LGALS4: variants seen among roughly 807,000 people sequenced by gnomAD.
LGALS4 encodes galectin-4.
A neutral mutation model predicts 39.6 loss-of-function variants in LGALS4; 37 were observed. The observed-to-expected ratio is 0.93, with a 90% CI of 0.72 to 1.23. LGALS4 has a LOEUF of 1.23. Ranked by LOEUF, LGALS4 falls within the 50% of genes most tolerant of loss-of-function variation. LGALS4 has a pLI of 0.00. For missense variants in LGALS4, 397 were observed against 433.2 expected, an observed-to-expected ratio of 0.92 and a Z score of 0.74; for synonymous variants, 160 against 165.5, an observed-to-expected ratio of 0.97 and a Z score of 0.25.
chr19:38,801,935 G>C, intron 9 of LGALS4, 25 bp from the exon 10 acceptor site: 3 of 1,614,120 alleles, frequency 1.9e-6, no homozygotes, highest in Non-Finnish European at 2.5e-6. Context: ...GTGGGCATGA[G>C]GCCAGGGCCA....
chr19:38,805,208 T>TAATAATAATAAA (rs143505798), intron 4 of LGALS4, among the ~76,000 whole-genome samples: 346 of 148,248 alleles, frequency 2.3e-3, no homozygotes, highest in South Asian at 0.011. Flanking sequence ...ATAATAATAA[T>TAATAATAATAAA]ATTGATAAAC....
intron 4 of LGALS4, 23 bp from the exon 5 acceptor site, chr19:38,803,918 C>A: frequency 6.3e-7 from 1 of 1,599,220 alleles, no homozygotes; most frequent in Non-Finnish European, 8.5e-7. Flanking sequence ...AAAGAGAAAG[C>A]GGTTATGAGA....
At position 38,808,359 on chromosome 19, in the gene LGALS4, C is replaced by T. The variant is rs182607537; in HGVS notation, c.339+385G>A. Among the ~76,000 whole-genome samples the T allele has an allele frequency of 3.4e-3, 521 of 151,844 alleles. 2 individuals are homozygous for T. The highest frequency in any genetic ancestry group is 0.012 in the African/African-American group (505 of 41,474). ...AAGGAAGGGGCTGGGTGTGGTGGCT[C>T]ACGCCTGTAATTCCAGCACTTTGGG... On this transcript the variant is annotated intron_variant, in intron 3 of 9. Coordinates refer to ENST00000307751, the MANE Select transcript of LGALS4 (RefSeq NM_006149.4).
Position 38,803,892 on chromosome 19 carries a change from G to T in LGALS4, c.478C>A (p.Pro160Thr). 6.2e-7 allele frequency: 1 copy of T among 1,609,054 alleles called. No homozygotes were observed. Among genetic ancestry groups the T allele is most frequent in the Non-Finnish European group, 8.5e-7 (1 of 1,177,578 alleles). Reference protein sequence around the residue: ...IGGQPLRPQGPPMMPPYPGPG... With the variant: ...IGGQPLRPQGTPMMPPYPGPG... ...ACAGGGTAAGGTGGCATCATCGGGGGTCCCTGTGGGCACAGAAAGAGAAAG... is the reference window on the plus strand; with the variant it reads ...ACAGGGTAAGGTGGCATCATCGGGGTTCCCTGTGGGCACAGAAAGAGAAAG... The change falls in exon 5 of 10, where the codon CCC (proline) becomes ACC (threonine). Residue 160 changes from proline (P) to threonine (T), a missense_variant. Transcript: ENST00000307751.
In LGALS4 at chr19:38,809,644, CTTTTTTTTTTT is replaced by C. The variant is rs66473176; in HGVS notation, c.135-707_135-697del. On this transcript the variant is annotated intron_variant, in intron 2 of 9. Coordinates refer to ENST00000307751, the MANE Select transcript of LGALS4 (RefSeq NM_006149.4). ...TACAGGTGCATGCCACTATGCCTGG[CTTTTTTTTTTT>C]TTTTTTTTTTTTTTTGTAGAGATGG... Among the ~76,000 whole-genome samples the C allele has an allele frequency of 6.7e-5, 5 of 74,544 alleles. No homozygotes were observed. In the East Asian group the frequency reaches 2.3e-3, roughly 35 times the overall value. The allele number at this position is 74,544 out of a possible 152,430, so 48.9% of individuals were successfully genotyped here.
intron 2 of LGALS4, among the ~76,000 whole-genome samples, chr19:38,809,405 C>G (rs1345193088): frequency 2.0e-5 from 3 of 151,846 alleles, no homozygotes; most frequent in Non-Finnish European, 4.4e-5. Flanking sequence ...ATCTCAAACT[C>G]CTGACCTCAG....
Position 38,808,825 on chromosome 19 carries a change from G to C in LGALS4, c.258C>G (p.Ser86Arg). 1 of 1,614,056 alleles carries C rather than the reference G, an allele frequency of 6.2e-7. No individual in the cohort carries two copies. Among genetic ancestry groups the C allele is most frequent in the South Asian group, 1.1e-5 (1 of 91,078 alleles). Reference sequence around the variant, plus strand: ...AGGGCATGCTCCTCTTCCTCTCCTCGCTGCCCCACTTCCCGCCCTGCAACG... The same window carrying C: ...AGGGCATGCTCCTCTTCCTCTCCTCCCTGCCCCACTTCCCGCCCTGCAACG... ...FNTLQGGKWG[S>R]EERKRSMPFK... is the part of the protein sequence containing the mutation. The change falls in exon 3 of 10, where the codon AGC (serine) becomes AGG (arginine). Residue 86 changes from serine to arginine, a missense_variant. Ser to Arg is a moderately radical substitution (Grantham distance 110, BLOSUM62 -1). Coordinates refer to ENST00000307751, the MANE Select transcript of LGALS4 (RefSeq NM_006149.4).
chr19:38,810,389 G>GTTT (rs1971478789), intron 2 of LGALS4, among the ~76,000 whole-genome samples: 2 of 123,872 alleles, frequency 1.6e-5, no homozygotes, highest in African/African-American at 6.3e-5. Flanking sequence ...TTGAGATGGA[G>GTTT]TCTCGCTCTT....
At chr19:38,807,191 A>AC (rs74176467) in intron 3 of LGALS4, among the ~76,000 whole-genome samples, 35,696 of 151,712 alleles carry the variant, frequency 0.24, 4,626 homozygotes, top group African/African-American at 0.35. Context: ...ACATAGCAAG[A>AC]CCCCGTCTTT....
intron 2 of LGALS4, among the ~76,000 whole-genome samples, chr19:38,809,371 G>C (rs926576387): frequency 1.1e-4 from 16 of 151,552 alleles, no homozygotes; most frequent in Non-Finnish European, 1.2e-4. Flanking sequence ...GTAGAGACAG[G>C]GTTTCACCAT....
At position 38,803,485 on chromosome 19, in the gene LGALS4, C is replaced by G. The variant is rs376122575; in HGVS notation, c.570+37G>C. Reference sequence around the variant, plus strand: ...TCAGATTCCCTGGAGATCCGTGCCCCCTCCCCACCATCCATCTCTGTTTCC... The same window carrying G: ...TCAGATTCCCTGGAGATCCGTGCCCGCTCCCCACCATCCATCTCTGTTTCC... On this transcript the variant is annotated intron_variant, in intron 7 of 9. Coordinates refer to ENST00000307751, the MANE Select transcript of LGALS4 (RefSeq NM_006149.4). 26 of 1,610,184 alleles carry G rather than the reference C, an allele frequency of 1.6e-5. No homozygotes were observed. In the African/African-American group the frequency reaches 2.9e-4, roughly 18 times the overall value.
intron 4 of LGALS4, among the ~76,000 whole-genome samples, chr19:38,804,301 T>C (rs1051639953): frequency 6.6e-6 from 1 of 152,188 alleles, no homozygotes; most frequent in African/African-American, 2.4e-5. Flanking sequence ...TTATTTGAGA[T>C]GGAATTTCGC....
At chr19:38,806,219 T>C (rs1280929912) in intron 4 of LGALS4, among the ~76,000 whole-genome samples, 5 of 151,586 alleles carry the variant, frequency 3.3e-5, no homozygotes, top group Admixed American at 2.6e-4. Flanking sequence ...TACAAAAAAA[T>C]TAGCCGGGCG....
intron 2 of LGALS4, among the ~76,000 whole-genome samples, chr19:38,810,173 T>G (rs1971475794): frequency 6.6e-6 from 1 of 152,076 alleles, no homozygotes; most frequent in Non-Finnish European, 1.5e-5. Context: ...TTTTAATTTT[T>G]TTGAGACAGT....
Position 38,801,859 on chromosome 19 carries a change from G to A in LGALS4, c.877C>T (p.His293Tyr), listed in dbSNP as rs777005220. 2 of 1,614,210 alleles carry A rather than the reference G, an allele frequency of 1.2e-6. No homozygotes were observed. The highest frequency in any genetic ancestry group is 1.7e-6 in the Non-Finnish European group (2 of 1,180,042). The stretch of plus-strand genomic sequence containing the variant: ...AGGCGATGGGCAAAGTCAAAGAGGT[G>A]CTGGCCATTGGCGTAAACCTTGAAG... ...DRFKVYANGQ[H>Y]LFDFAHRLSA... Residue 293 changes from histidine (H) to tyrosine (Y), a missense_variant, in exon 10 of 10, where the codon CAC becomes TAC. Physicochemically the swap from His to Tyr is moderately conservative, Grantham distance 83. Transcript: ENST00000307751.
intron 7 of LGALS4, 83 bp downstream of exon 7, chr19:38,803,438 GC>G: frequency 7.0e-7 from 1 of 1,424,166 alleles, no homozygotes; most frequent in Non-Finnish European, 9.9e-7. Flanking sequence ...AAAACCCTCA[GC>G]CCACTCCCTT....
rs113718174 is a variant in LGALS4, at chr19:38,807,996, C to A, written c.339+748G>T. Reference sequence around the variant, plus strand: ...ACAAACACTGTGGAAGGCCGCAGGGCCCTCTGCCTAGGAAAACCAGAGACC... The same window carrying A: ...ACAAACACTGTGGAAGGCCGCAGGGACCTCTGCCTAGGAAAACCAGAGACC... On this transcript the variant is annotated intron_variant, in intron 3 of 9. Coordinates refer to ENST00000307751, the MANE Select transcript of LGALS4 (RefSeq NM_006149.4). Among the ~76,000 whole-genome samples the A allele has an allele frequency of 6.8e-3, 1,031 of 152,208 alleles. 8 individuals are homozygous for A. Among genetic ancestry groups the A allele is most frequent in the African/African-American group, 0.023 (958 of 41,524 alleles).
In LGALS4 at chr19:38,801,906, G is replaced by A; in HGVS notation, c.830C>T (p.Ser277Phe). 6.2e-7 allele frequency: 1 copy of A among 1,614,220 alleles called. No homozygotes were observed. Among genetic ancestry groups the A allele is most frequent in the African/African-American group, 1.3e-5 (1 of 75,060 alleles). Residue 277 changes from serine to phenylalanine, a missense_variant, in exon 10 of 10, where the codon TCC becomes TTC. Coordinates refer to ENST00000307751, the MANE Select transcript of LGALS4 (RefSeq NM_006149.4). ...GAAGCGATCCAAGCCACAGCGAATGGACAGCTGCAGGGAGAAGGGTGGGCA... is the reference window on the plus strand; with the variant it reads ...GAAGCGATCCAAGCCACAGCGAATGAACAGCTGCAGGGAGAAGGGTGGGCA... ...PFGPGQFFDLSIRCGLDRFKV... is the reference protein window; with the variant it reads ...PFGPGQFFDLFIRCGLDRFKV...
At chr19:38,807,933 G>A (rs1971441778) in intron 3 of LGALS4, among the ~76,000 whole-genome samples, 1 of 152,070 alleles carries the variant, frequency 6.6e-6, no homozygotes, top group South Asian at 2.1e-4. Flanking sequence ...TGCTCCTTAA[G>A]AGTCATCACC....
Sources: gnomAD v4.1 joint callset for allele counts (sites outside exome capture counted in the v4.1 genomes callset) on GRCh38, gnomAD v4.1.1 for gene constraint, MANE v1.5 for transcripts, NCBI Gene and HGNC (gene_info 2026-07-23, HGNC 2026-07-21) for gene names.